TCF4: variants seen among roughly 807,000 people sequenced by gnomAD.
TCF4 encodes SL3-3 enhancer factor 2.
TCF4 carries 3 observed loss-of-function variants against 82.1 expected under a neutral mutation model. That is an observed-to-expected ratio of 0.04 (90% CI 0.02 to 0.09). TCF4 has a LOEUF of 0.09. Among genes scored for constraint, TCF4 ranks in the 10% least tolerant of loss-of-function variants. The pLI, the probability that TCF4 is intolerant of heterozygous loss-of-function variation, is 1.00. For synonymous variants in TCF4, 276 were observed against 309.6 expected, an observed-to-expected ratio of 0.89 and a Z score of 1.14; for missense variants, 518 against 852.7, an observed-to-expected ratio of 0.61 and a Z score of 4.89.
intron 6 of TCF4, among the ~76,000 whole-genome samples, chr18:55,370,751 C>A (rs1392188856): frequency 6.6e-6 from 1 of 152,022 alleles, no homozygotes; most frequent in Admixed American, 6.6e-5. Flanking sequence ...GGAATAAAAT[C>A]AATTTGCACA....
At chr18:55,554,241 G>A (rs937607296) in intron 3 of TCF4, among the ~76,000 whole-genome samples, 4 of 152,118 alleles carry the variant, frequency 2.6e-5, no homozygotes, top group Admixed American at 2.6e-4. Context: ...GTAAAATTTA[G>A]AAATGTATTT....
At chr18:55,608,272 C>T (rs941878378) in intron 2 of TCF4, among the ~76,000 whole-genome samples, 9 of 151,680 alleles carry the variant, frequency 5.9e-5, no homozygotes, top group African/African-American at 1.7e-4. Context: ...TAAACAGTCA[C>T]GTTAAATGGT....
intron 3 of TCF4, among the ~76,000 whole-genome samples, chr18:55,556,568 T>A (rs948969100): frequency 6.6e-6 from 1 of 152,202 alleles, no homozygotes; most frequent in African/African-American, 2.4e-5. Context: ...TCACCCAGGC[T>A]GGTCTCAAAC....
intron 11 of TCF4, chr18:55,265,496 C>T (rs558463689): frequency 2.0e-5 from 3 of 152,210 alleles, no homozygotes; most frequent in Admixed American, 6.5e-5. Flanking sequence ...GCTTCCTGAT[C>T]GTGCACAGGA....
At chr18:55,517,754 G>A (rs930664353) in intron 3 of TCF4, among the ~76,000 whole-genome samples, 1 of 152,110 alleles carries the variant, frequency 6.6e-6, no homozygotes, top group Admixed American at 6.6e-5. Flanking sequence ...CATCCTCAGT[G>A]CAAGCAAAGC....
intron 8 of TCF4, among the ~76,000 whole-genome samples, chr18:55,324,770 G>A: frequency 6.6e-6 from 1 of 151,968 alleles, no homozygotes; most frequent in East Asian, 1.9e-4. Context: ...TCCCTCTCTG[G>A]TGCTTAGACA....
intron 6 of TCF4, among the ~76,000 whole-genome samples, chr18:55,384,878 T>C (rs1046438424): frequency 6.6e-6 from 1 of 152,162 alleles, no homozygotes; most frequent in African/African-American, 2.4e-5. Context: ...AGGGATTCTG[T>C]AGAGCAGAAA....
intron 15 of TCF4, among the ~76,000 whole-genome samples, chr18:55,250,070 G>A (rs781472715): frequency 6.6e-6 from 1 of 152,196 alleles, no homozygotes; most frequent in Non-Finnish European, 1.5e-5. Context: ...TTTCTAACTA[G>A]GGTAGTGAAG....
chr18:55,597,889 C>T (rs956367560), intron 2 of TCF4, among the ~76,000 whole-genome samples: 6 of 152,108 alleles, frequency 3.9e-5, no homozygotes, highest in Non-Finnish European at 8.8e-5. Flanking sequence ...GAAGTCTTTG[C>T]TCTAGTCAGT....
chr18:55,240,069 C>G (rs1397030724), intron 15 of TCF4, among the ~76,000 whole-genome samples: 1 of 152,172 alleles, frequency 6.6e-6, no homozygotes, highest in African/African-American at 2.4e-5. Context: ...ACAATGGGAA[C>G]TTTAGGAAAC....
chr18:55,486,061 CCTA>C (rs1202793671), intron 3 of TCF4, among the ~76,000 whole-genome samples: 1 of 152,136 alleles, frequency 6.6e-6, no homozygotes, highest in Non-Finnish European at 1.5e-5. Context: ...AAAAATAAAT[CCTA>C]CTACTTAGAA....
chr18:55,493,112 C>A (rs2958187), intron 3 of TCF4, among the ~76,000 whole-genome samples: 58,686 of 151,942 alleles, frequency 0.39, 11,843 homozygotes, highest in South Asian at 0.48. Context: ...CACATGTTAC[C>A]AGTAGTATTT....
chr18:55,303,229 A>G (rs960754275), intron 8 of TCF4, among the ~76,000 whole-genome samples: 9 of 68,554 alleles, frequency 1.3e-4, no homozygotes, highest in Non-Finnish European at 2.7e-4. Context: ...CAGTACGTAC[A>G]CACACACACA....
At chr18:55,273,704 T>G (rs1568606308) in intron 10 of TCF4, among the ~76,000 whole-genome samples, 1 of 152,182 alleles carries the variant, frequency 6.6e-6, no homozygotes, top group Non-Finnish European at 1.5e-5. Flanking sequence ...ATGAAAATCC[T>G]GTGTTTCGTG....
rs74545448 is a variant in TCF4, at chr18:55,473,178, T to C, written c.146-9041A>G. 1.0e-3 allele frequency among the ~76,000 whole-genome samples: 156 copies of C among 152,196 alleles called. 3 individuals carry two copies. The highest frequency in any genetic ancestry group is 3.6e-3 in the African/African-American group (148 of 41,538). On this transcript the variant is annotated intron_variant, in intron 3 of 19. Coordinates refer to ENST00000354452, the MANE Select transcript of TCF4 (RefSeq NM_001083962.2). ...TTAGCCAACATGAAACATGGAACTG[T>C]TTCCTCTTTTCTTCTTTTCTTTCCT...
intron 3 of TCF4, among the ~76,000 whole-genome samples, chr18:55,541,748 A>G (rs536057660): frequency 1.3e-5 from 2 of 152,150 alleles, no homozygotes; most frequent in African/African-American, 4.8e-5. Flanking sequence ...AAGATGGATC[A>G]TAACACATTC....
chr18:55,289,215 AC>A (rs928122292), intron 8 of TCF4, among the ~76,000 whole-genome samples: 1 of 152,066 alleles, frequency 6.6e-6, no homozygotes, highest in African/African-American at 2.4e-5. Context: ...TCCTGGTTAC[AC>A]TCCTTATGTT....
intron 15 of TCF4, among the ~76,000 whole-genome samples, chr18:55,242,417 C>T (rs1475682494): frequency 1.3e-5 from 2 of 152,320 alleles, no homozygotes; most frequent in East Asian, 3.9e-4. Context: ...AATGATGACA[C>T]AAATGCTATG....
chr18:55,249,840 T>C (rs1267673694), intron 15 of TCF4, among the ~76,000 whole-genome samples: 6 of 152,108 alleles, frequency 3.9e-5, no homozygotes, highest in Non-Finnish European at 7.4e-5. Flanking sequence ...TAAAGACAAG[T>C]TTGATGTGGG....
Sources: allele counts gnomAD v4.1 joint callset (sites outside exome capture counted in the v4.1 genomes callset), GRCh38; gene constraint gnomAD v4.1.1; transcripts MANE v1.5; gene names NCBI Gene and HGNC (gene_info 2026-07-23, HGNC 2026-07-21).